The following BLVRA variants were observed in gnomAD, a reference collection of about 807,000 sequenced individuals.
BLVRA encodes BVR A.
Under a neutral mutation model 32.8 loss-of-function variants are expected in BLVRA, and 22 were observed. The observed-to-expected ratio is 0.67, with a 90% CI of 0.48 to 0.96. The LOEUF is 0.96. Ranked by LOEUF, BLVRA falls within the 40% of genes least tolerant of loss-of-function variation. The probability of loss-of-function intolerance (pLI) is 0.00; values close to 1 mark genes in which losing one functional copy is unlikely to be tolerated. For missense variants in BLVRA, 323 were observed against 358.1 expected (o/e 0.90, Z 0.79); for synonymous variants, 119 against 141.3 (o/e 0.84, Z 1.12).
At position 43,807,179 on chromosome 7, in the gene BLVRA, C is replaced by T; in HGVS notation, c.835C>T (p.Leu279=). 1 of 1,612,800 alleles carries T rather than the reference C, an allele frequency of 6.2e-7. No individual in the cohort carries two copies. The highest frequency in any genetic ancestry group is 1.7e-5 in the Admixed American group (1 of 60,014). The change falls in exon 8 of 8, where the codon CTG becomes TTG. Residue 279 remains leucine (L), a synonymous_variant. Coordinates refer to ENST00000265523, the MANE Select transcript of BLVRA (RefSeq NM_000712.4). ...KELAAEKKRI[L]HCLGLAEEIQ... is the part of the protein sequence containing the mutation. ...ACTGGCTGCTGAAAAGAAACGCATC[C>T]TGCACTGCCTGGGGCTTGCAGAAGA... is the stretch of plus-strand genomic sequence containing the variant.
Position 43,784,063 on chromosome 7 carries a change from C to T in BLVRA, c.13-3841C>T, listed in dbSNP as rs916566640. On this transcript the variant is annotated intron_variant, in intron 2 of 7. Coordinates refer to ENST00000265523, the MANE Select transcript of BLVRA (RefSeq NM_000712.4). Reference sequence around the variant, plus strand: ...GCTTCTCTGAGTCCAAGGGTGGGGGCGCAAGCTCACTCTGTGACTGTGATT... The same window carrying T: ...GCTTCTCTGAGTCCAAGGGTGGGGGTGCAAGCTCACTCTGTGACTGTGATT... Among the ~76,000 whole-genome samples, 5 of 152,176 alleles carry T rather than the reference C, an allele frequency of 3.3e-5. No homozygotes were observed. In the East Asian group the frequency reaches 7.7e-4, roughly 23 times the overall value.
chr7:43,807,206 A>G lies in BLVRA; in HGVS notation c.862A>G (p.Ile288Val). ...GCACTGCCTGGGGCTTGCAGAAGAA[A>G]TCCAGAAATATTGCTGTTCAAGGAA... ...ILHCLGLAEEIQKYCCSRK is the reference protein window; with the variant it reads ...ILHCLGLAEEVQKYCCSRK Residue 288 changes from isoleucine to valine, a missense_variant, in exon 8 of 8, where the codon ATC becomes GTC. Coordinates refer to ENST00000265523, the MANE Select transcript of BLVRA (RefSeq NM_000712.4). 6.2e-7 allele frequency: 1 copy of G among 1,609,130 alleles called. No individual in the cohort carries two copies. The highest frequency in any genetic ancestry group is 8.5e-7 in the Non-Finnish European group (1 of 1,179,992).
chr7:43,764,743 A>C (rs902755123), intron 1 of BLVRA, among the ~76,000 whole-genome samples: 11 of 152,298 alleles, frequency 7.2e-5, no homozygotes, highest in South Asian at 6.2e-4. Context: ...AGACACCAAG[A>C]AAGTTAAACC....
chr7:43,788,565 C>A (rs2095781220), intron 3 of BLVRA, among the ~76,000 whole-genome samples: 1 of 152,132 alleles, frequency 6.6e-6, no homozygotes, highest in African/African-American at 2.4e-5. Flanking sequence ...CTTTTAAACA[C>A]CATGTGTTCT....
intron 5 of BLVRA, among the ~76,000 whole-genome samples, chr7:43,793,205 T>C (rs78138004): frequency 1.7e-3 from 259 of 152,356 alleles, no homozygotes; most frequent in Middle Eastern, 3.4e-3. Context: ...TTGTTGTTTC[T>C]AAACAGGAAT....
intron 2 of BLVRA, among the ~76,000 whole-genome samples, chr7:43,779,651 C>T (rs2095766404): frequency 6.6e-6 from 1 of 152,134 alleles, no homozygotes; most frequent in Non-Finnish European, 1.5e-5. Context: ...CCCTGTGGCT[C>T]ACCCTGTGGC....
In BLVRA at chr7:43,792,783, A is replaced by C. The variant is rs968544626; in HGVS notation, c.323A>C (p.Gln108Pro). Residue 108 changes from glutamine (Q) to proline (P), a missense_variant, in exon 5 of 8, where the codon CAG becomes CCG. Gln to Pro is a moderately conservative substitution (Grantham distance 76). Transcript: ENST00000265523. ...YPMTLSLAAA[Q>P]ELWELAEQKG... ...ATGACACTGTCATTGGCGGCCGCTC[A>C]GGAACTGTGGGAGCTGGCTGAGCAG... 18 of 1,614,220 alleles carry C rather than the reference A, an allele frequency of 1.1e-5. No homozygotes were observed. The highest frequency in any genetic ancestry group is 1.7e-5 in the Admixed American group (1 of 60,028).
In BLVRA at chr7:43,787,859, T is replaced by C. The variant is rs1264838578; in HGVS notation, c.13-45T>C. 2 of 1,613,996 alleles carry C rather than the reference T, an allele frequency of 1.2e-6. No individual in the cohort carries two copies. The highest frequency in any genetic ancestry group is 2.7e-5 in the African/African-American group (2 of 74,920). On this transcript the variant is annotated intron_variant, in intron 2 of 7. Coordinates refer to ENST00000265523, the MANE Select transcript of BLVRA (RefSeq NM_000712.4). This position sits in a 1 kb window ranked among gnomAD's most constrained non-coding sequence, Gnocchi z 4.5. ...CTTTGTTTTGTAGTTTTCTGCTCGA[T>C]GCCTACAGTGTTTTCAGACTCCACC...
intron 2 of BLVRA, among the ~76,000 whole-genome samples, chr7:43,782,835 T>C (rs1208045721): frequency 6.6e-6 from 1 of 152,084 alleles, no homozygotes; most frequent in East Asian, 1.9e-4. Flanking sequence ...ATGTCTGAAG[T>C]CCAGGAGGAT....
At chr7:43,801,006 G>A (rs2095798105) in intron 6 of BLVRA, among the ~76,000 whole-genome samples, 1 of 151,568 alleles carries the variant, frequency 6.6e-6, no homozygotes, top group Admixed American at 6.6e-5. Flanking sequence ...TACTTATTCT[G>A]TTCTTACTCT....
intron 1 of BLVRA, among the ~76,000 whole-genome samples, chr7:43,761,049 C>A (rs1326505348): frequency 6.6e-6 from 1 of 152,140 alleles, no homozygotes; most frequent in Non-Finnish European, 1.5e-5. Context: ...GGATTACAGG[C>A]GTGAGCCATT....
chr7:43,771,082 C>T, intron 1 of BLVRA, 56 bp from the exon 2 acceptor site: 3 of 1,499,460 alleles, frequency 2.0e-6, no homozygotes, highest in Non-Finnish European at 2.8e-6. Context: ...GGAATGTTTG[C>T]CTGGAGTTTG....
chr7:43,764,215 T>C (rs1231445658), intron 1 of BLVRA: 1 of 152,130 alleles, frequency 6.6e-6, no homozygotes, highest in Non-Finnish European at 1.5e-5. Context: ...GCAGTTCCTG[T>C]AGCACTCGGC....
intron 1 of BLVRA, among the ~76,000 whole-genome samples, chr7:43,762,445 A>C (rs959875100): frequency 4.6e-5 from 7 of 151,840 alleles, no homozygotes; most frequent in Non-Finnish European, 1.0e-4. Context: ...AAGAGACTGA[A>C]ATCAAAAGGG....
At chr7:43,761,307 G>C (rs2095741984) in intron 1 of BLVRA, among the ~76,000 whole-genome samples, 3 of 152,122 alleles carry the variant, frequency 2.0e-5, no homozygotes, top group African/African-American at 7.2e-5. Flanking sequence ...ATGAGAGAAA[G>C]TATAAGTACA....
In BLVRA at chr7:43,792,726, A is replaced by G. The variant is rs2095787528; in HGVS notation, c.266A>G (p.Asn89Ser). ...SHEDYIRQFL[N>S]AGKHVLVEYP... ...CTCGTTTACCAAAGGCAGTTCCTTA[A>G]TGCTGGCAAGCACGTCCTTGTGGAA... The change falls in exon 5 of 8, where the codon AAT becomes AGT. Residue 89 changes from asparagine (N) to serine (S), a missense_variant. Physicochemically the swap from Asn to Ser is conservative, Grantham distance 46. Coordinates refer to ENST00000265523, the MANE Select transcript of BLVRA (RefSeq NM_000712.4). 1 of 1,614,130 alleles carries G rather than the reference A, an allele frequency of 6.2e-7. No individual in the cohort carries two copies. The highest frequency in any genetic ancestry group is 8.5e-7 in the Non-Finnish European group (1 of 1,179,992).
intron 7 of BLVRA, among the ~76,000 whole-genome samples, chr7:43,806,241 G>A (rs1338931163): frequency 2.0e-5 from 3 of 152,094 alleles, no homozygotes; most frequent in Non-Finnish European, 4.4e-5. Context: ...TGAACCTGGA[G>A]GCAGAGGTTG....
chr7:43,759,926 C>G (rs949209206), intron 1 of BLVRA: 1 of 151,162 alleles, frequency 6.6e-6, no homozygotes, highest in African/African-American at 2.4e-5. Flanking sequence ...AATAGGGTCT[C>G]TAATTATACT....
rs2095757989 is a variant in BLVRA, at chr7:43,774,279, A to G, written c.12+3109A>G. 3.3e-5 allele frequency among the ~76,000 whole-genome samples: 5 copies of G among 152,208 alleles called. No homozygotes were observed. In the South Asian group the frequency reaches 1.0e-3, roughly 32 times the overall value. ...AGGGTTTTATGGTTTTAGGTCTAAC[A>G]TGTAAGTCTTTAATCCATCTTGAAT... On this transcript the variant is annotated intron_variant, in intron 2 of 7. Coordinates refer to ENST00000265523, the MANE Select transcript of BLVRA (RefSeq NM_000712.4).
Sources: gnomAD v4.1 joint callset for allele counts (sites outside exome capture counted in the v4.1 genomes callset) on GRCh38, gnomAD v4.1.1 for gene constraint, Gnocchi (gnomAD v3.1) non-coding constraint, MANE v1.5 for transcripts, NCBI Gene and HGNC (gene_info 2026-07-23, HGNC 2026-07-21) for gene names.